The following VAV1 variants were observed in gnomAD, a reference collection of about 807,000 sequenced individuals.
The protein encoded by VAV1 is proto-oncogene vav.
VAV1 carries 33 observed loss-of-function variants against 128.1 expected under a neutral mutation model. That is an observed-to-expected ratio of 0.26 (90% CI 0.20 to 0.34). The LOEUF (loss-of-function observed/expected upper bound fraction) is 0.34, where lower values mean the gene tolerates loss of function less well. Ranked by LOEUF, VAV1 falls within the 10% of genes least tolerant of loss-of-function variation. The pLI, the probability that VAV1 is intolerant of heterozygous loss-of-function variation, is 1.00. For synonymous variants in VAV1, 394 were observed against 409.8 expected, an observed-to-expected ratio of 0.96 and a Z score of 0.47; for missense variants, 715 against 1,093.7, an observed-to-expected ratio of 0.65 and a Z score of 4.88.
chr19:6,821,577 G>C (rs1971784038), intron 2 of VAV1, 45 bp from the exon 3 acceptor site: 1 of 1,609,820 alleles, frequency 6.2e-7, no homozygotes, highest in Non-Finnish European at 8.5e-7. Context: ...GTTCTGCCGT[G>C]GGGGTGTACA....
At chr19:6,848,484 C>T (rs1180831759) in intron 23 of VAV1, among the ~76,000 whole-genome samples, 1 of 151,490 alleles carries the variant, frequency 6.6e-6, no homozygotes, top group Non-Finnish European at 1.5e-5. Context: ...TCTCAGCTCA[C>T]TGCAACCTCC....
At chr19:6,825,219 C>G (rs977685582) in intron 7 of VAV1, 84 bp from the exon 8 acceptor site, 3 of 1,573,878 alleles carry the variant, frequency 1.9e-6, no homozygotes, top group African/African-American at 2.7e-5. Context: ...AGTTGAGCGG[C>G]ATGGGGCGGG....
At chr19:6,836,406 C>T in intron 19 of VAV1, 26 bp from the exon 20 acceptor site, 1 of 1,608,948 alleles carries the variant, frequency 6.2e-7, no homozygotes, top group Non-Finnish European at 8.5e-7. Flanking sequence ...GCCAACCACC[C>T]TGTACTCCTG....
chr19:6,816,497 T>G (rs1337319515), intron 1 of VAV1: 1 of 130,118 alleles, frequency 7.7e-6, no homozygotes, highest in African/African-American at 3.6e-5. Flanking sequence ...TCTCGCTCTC[T>G]CTCTCTCTCA....
chr19:6,792,864 C>T (rs1217229117), intron 1 of VAV1, among the ~76,000 whole-genome samples: 1 of 152,026 alleles, frequency 6.6e-6, no homozygotes, highest in African/African-American at 2.4e-5. Context: ...TGGATAGAGG[C>T]CAGAGATGCT....
chr19:6,851,069 T>C (rs990119520), intron 24 of VAV1, among the ~76,000 whole-genome samples: 1 of 152,110 alleles, frequency 6.6e-6, no homozygotes, highest in Non-Finnish European at 1.5e-5. Context: ...TGTATGTATG[T>C]GTATTTAAAT....
intron 1 of VAV1, among the ~76,000 whole-genome samples, chr19:6,776,520 T>TCATC (rs367861307): frequency 0.14 from 8,540 of 62,906 alleles, 311 homozygotes; most frequent in East Asian, 0.24. Context: ...ATCCATCCTC[T>TCATC]CATCCATCCA....
chr19:6,853,539 C>A (rs1972717999), intron 25 of VAV1, among the ~76,000 whole-genome samples: 1 of 151,442 alleles, frequency 6.6e-6, no homozygotes, highest in South Asian at 2.1e-4. Flanking sequence ...GCCTGGCCAA[C>A]ATGGTGAAAC....
intron 23 of VAV1, among the ~76,000 whole-genome samples, 155 bp downstream of exon 23, chr19:6,848,269 T>G (rs1393890451): frequency 6.6e-6 from 1 of 152,200 alleles, no homozygotes; most frequent in Non-Finnish European, 1.5e-5. Flanking sequence ...TCACCTTCTT[T>G]ATTTCTTTTA....
chr19:6,848,396 C>T (rs1484777036), intron 23 of VAV1, among the ~76,000 whole-genome samples: 5 of 150,130 alleles, frequency 3.3e-5, no homozygotes, highest in Non-Finnish European at 7.4e-5. Flanking sequence ...CTTTTTTCCC[C>T]TTTTTTTCTT....
chr19:6,780,256 A>T (rs1197737277), intron 1 of VAV1, among the ~76,000 whole-genome samples: 2 of 150,328 alleles, frequency 1.3e-5, no homozygotes, highest in Non-Finnish European at 3.0e-5. Flanking sequence ...TAAAATGAGG[A>T]TGCTAAATCC....
intron 22 of VAV1, among the ~76,000 whole-genome samples, chr19:6,845,762 CATTAT>C (rs1297272277): frequency 6.8e-6 from 1 of 148,016 alleles, no homozygotes; most frequent in Non-Finnish European, 1.5e-5. Flanking sequence ...ATTTACTTTA[CATTAT>C]ATTATATTTA....
intron 22 of VAV1, among the ~76,000 whole-genome samples, chr19:6,846,314 C>A (rs149949691): frequency 6.6e-6 from 1 of 151,306 alleles, no homozygotes; most frequent in Admixed American, 6.6e-5. Flanking sequence ...GGGCTGGGCA[C>A]GGTGGCTTAT....
chr19:6,848,505 C>A (rs1246695901), intron 23 of VAV1, among the ~76,000 whole-genome samples: 1 of 148,228 alleles, frequency 6.7e-6, no homozygotes, highest in Non-Finnish European at 1.5e-5. Context: ...CAGGTTCAAG[C>A]GATTCTCCTG....
At position 6,825,313 on chromosome 19, in the gene VAV1, G is replaced by T. The variant is rs375421504; in HGVS notation, c.734G>T (p.Arg245Leu). 7.3e-5 allele frequency: 117 copies of T among 1,612,392 alleles called. 1 individual carries two copies. Among genetic ancestry groups the T allele is most frequent in the Non-Finnish European group, 9.3e-5 (110 of 1,179,458 alleles). The change falls in exon 8 of 27, where the codon CGT (arginine) becomes CTT (leucine). Residue 245 changes from arginine to leucine, a missense_variant. By Grantham distance (102) the Arg-to-Leu change is moderately radical. Around this residue, in one of 3 missense-constraint regions of VAV1, gnomAD observed 302 missense variants for 477.8 expected, o/e 0.63. Coordinates refer to ENST00000602142, the MANE Select transcript of VAV1 (RefSeq NM_005428.4). ...IIFINIEDLL[R>L]VHTHFLKEMK... ...CTTCCCTCCGAGTAGGACCTGCTTC[G>T]TGTTCATACTCACTTCCTAAAGGAG...
intron 1 of VAV1, among the ~76,000 whole-genome samples, chr19:6,808,472 T>G (rs1171570946): frequency 1.3e-5 from 2 of 152,158 alleles, no homozygotes; most frequent in East Asian, 1.9e-4. Context: ...AACTGAAGAT[T>G]ATTTATTTCT....
chr19:6,797,231 C>A (rs1188693293), intron 1 of VAV1, among the ~76,000 whole-genome samples: 30 of 126,388 alleles, frequency 2.4e-4, no homozygotes, highest in South Asian at 2.7e-4. Flanking sequence ...GACTCAGTAT[C>A]AAAAAAAAAA....
chr19:6,822,381 C>T lies in VAV1; in HGVS notation c.559-38C>T. On this transcript the variant is annotated intron_variant, in intron 5 of 26. Coordinates refer to ENST00000602142, the MANE Select transcript of VAV1 (RefSeq NM_005428.4). This position sits in a 1 kb window ranked among gnomAD's most constrained non-coding sequence, Gnocchi z 5.9. ...GGGAGGGCGTGGGCGGGGGGCAGCC[C>T]CAGGCCCCCCAACACCGGCCTCTCC... 1.3e-6 allele frequency: 2 copies of T among 1,552,862 alleles called. No individual in the cohort carries two copies. Among genetic ancestry groups the T allele is most frequent in the Non-Finnish European group, 1.7e-6 (2 of 1,149,084 alleles).
At chr19:6,795,841 G>A (rs1393063855) in intron 1 of VAV1, among the ~76,000 whole-genome samples, 5 of 152,102 alleles carry the variant, frequency 3.3e-5, no homozygotes, top group African/African-American at 2.4e-5. Context: ...GTGCCACCGC[G>A]CCCAGCTAAT....
Sources: allele counts gnomAD v4.1 joint callset (sites outside exome capture counted in the v4.1 genomes callset), GRCh38; gene constraint gnomAD v4.1.1; regional missense constraint gnomAD v4.1.1; non-coding constraint Gnocchi (gnomAD v3.1); transcripts MANE v1.5; gene names NCBI Gene and HGNC (gene_info 2026-07-23, HGNC 2026-07-21).